Variants in FGF12 observed in about 807,000 individuals in gnomAD.
FGF12 encodes the protein fibroblast growth factor 12B.
FGF12 carries 14 observed loss-of-function variants against 23.6 expected under a neutral mutation model. The observed-to-expected ratio is 0.59, with a 90% CI of 0.39 to 0.93. The LOEUF (loss-of-function observed/expected upper bound fraction) is 0.93, where lower values mean the gene tolerates loss of function less well. Among genes scored for constraint, FGF12 ranks in the 40% least tolerant of loss-of-function variants. The pLI is 0.00. For missense variants in FGF12, 175 were observed against 217.8 expected (o/e 0.80, Z 1.24); for synonymous variants, 62 against 77.3 (o/e 0.80, Z 1.04).
At chr3:192,678,670 C>T (rs947920051) in intron 2 of FGF12, among the ~76,000 whole-genome samples, 5 of 152,156 alleles carry the variant, frequency 3.3e-5, no homozygotes, top group Admixed American at 6.5e-5. Context: ...GCAATTTCCC[C>T]GAAGCCCACC....
chr3:192,329,529 T>A (rs1051357924), intron 4 of FGF12, among the ~76,000 whole-genome samples: 2 of 152,152 alleles, frequency 1.3e-5, no homozygotes, highest in African/African-American at 4.8e-5. Context: ...CAAGGTTCAG[T>A]TCAAACAACT....
intron 2 of FGF12, among the ~76,000 whole-genome samples, chr3:192,444,657 GC>G (rs1212283502): frequency 6.6e-6 from 1 of 152,184 alleles, no homozygotes; most frequent in Non-Finnish European, 1.5e-5. Context: ...TCACAGCCCT[GC>G]TTGCTACGCA....
At chr3:192,419,679 T>C (rs929054949) in intron 2 of FGF12, among the ~76,000 whole-genome samples, 8 of 152,226 alleles carry the variant, frequency 5.3e-5, no homozygotes, top group African/African-American at 1.9e-4. Context: ...TTGGGAAAAC[T>C]TTTGTTCATT....
chr3:192,554,324 A>G (rs558079843), intron 2 of FGF12, among the ~76,000 whole-genome samples: 1 of 152,318 alleles, frequency 6.6e-6, no homozygotes, highest in African/African-American at 2.4e-5. Context: ...CTTCGGACTT[A>G]GTGCACTGAT....
At chr3:192,443,476 G>T (rs577192916) in intron 2 of FGF12, among the ~76,000 whole-genome samples, 1 of 152,232 alleles carries the variant, frequency 6.6e-6, no homozygotes, top group Non-Finnish European at 1.5e-5. Context: ...TGGAAAGGTT[G>T]TTGGAGAGCT....
rs547367565 is a variant in FGF12, at chr3:192,200,022, A to C, written c.229-29366T>G. Among the ~76,000 whole-genome samples the C allele has an allele frequency of 2.2e-4, 34 of 152,164 alleles. No homozygotes were observed. The South Asian group carries it at 7.1e-3, about 32-fold the overall frequency. On this transcript the variant is annotated intron_variant, in intron 4 of 5. Coordinates refer to ENST00000445105, the MANE Select transcript of FGF12 (RefSeq NM_004113.6). ...AGCAATGCTAAAGAGGTAAATCAAAACAGCAATAGAAAGGCCGGGTGCAGT... is the reference window on the plus strand; with the variant it reads ...AGCAATGCTAAAGAGGTAAATCAAACCAGCAATAGAAAGGCCGGGTGCAGT...
Position 192,670,050 on chromosome 3 carries a change from G to T in FGF12, c.13+57131C>A, listed in dbSNP as rs1717052552. ...GAAAAATATCCACAATTATTTAAAA[G>T]AACTATTAAAATATTCCTCCATTTT... On this transcript the variant is annotated intron_variant, in intron 2 of 5. Coordinates refer to ENST00000445105, the MANE Select transcript of FGF12 (RefSeq NM_004113.6). 2.0e-5 allele frequency among the ~76,000 whole-genome samples: 3 copies of T among 152,208 alleles called. No individual in the cohort carries two copies. In the South Asian group the frequency reaches 6.2e-4, roughly 32 times the overall value.
chr3:192,357,827 G>A (rs1371260750), intron 3 of FGF12, among the ~76,000 whole-genome samples: 2 of 152,188 alleles, frequency 1.3e-5, no homozygotes, highest in Non-Finnish European at 2.9e-5. Context: ...GTTCCAAGGT[G>A]AGAAGTGTAA....
At chr3:192,518,722 A>G (rs1465947647) in intron 2 of FGF12, among the ~76,000 whole-genome samples, 1 of 152,212 alleles carries the variant, frequency 6.6e-6, no homozygotes, top group Non-Finnish European at 1.5e-5. Context: ...TGTTATGCAT[A>G]TAGCCCATTG....
intron 2 of FGF12, among the ~76,000 whole-genome samples, chr3:192,448,419 G>A (rs976974217): frequency 3.9e-5 from 6 of 152,142 alleles, no homozygotes; most frequent in Non-Finnish European, 8.8e-5. Flanking sequence ...AAATGTGTGA[G>A]TTATTGAAAA....
chr3:192,229,155 T>A, intron 4 of FGF12, among the ~76,000 whole-genome samples: 1 of 150,338 alleles, frequency 6.7e-6, no homozygotes. Flanking sequence ...TGGATCTAAG[T>A]GAATAAAATT....
At chr3:192,690,840 C>G (rs1717922283) in intron 2 of FGF12, among the ~76,000 whole-genome samples, 1 of 151,866 alleles carries the variant, frequency 6.6e-6, no homozygotes, top group Admixed American at 6.6e-5. Flanking sequence ...CATACACAGA[C>G]TGAAGATATT....
intron 2 of FGF12, among the ~76,000 whole-genome samples, chr3:192,564,226 G>T (rs1712174043): frequency 1.3e-5 from 2 of 152,054 alleles, no homozygotes; most frequent in South Asian, 2.1e-4. Flanking sequence ...ACCATGCCCG[G>T]CTAATTTGTG....
Position 192,727,527 on chromosome 3 carries a change from T to C in FGF12, c.-174A>G, listed in dbSNP as rs1719265787. 2.0e-6 allele frequency: 1 copy of C among 502,316 alleles called. No individual in the cohort carries two copies. Among genetic ancestry groups the C allele is most frequent in the African/African-American group, 2.0e-5 (1 of 50,786 alleles). 31.1% of individuals were successfully genotyped at this position (502,316 alleles called of 1,614,324 possible). A position where few individuals can be genotyped will look rare whatever the true frequency, so the allele number is the denominator to read the frequency against. ...GGCAGGAGCTGTCCTCCGAGCGTGG[T>C]GCTGCAGGTGTAGTGACAGATCATC... On this transcript the variant is annotated 5_prime_UTR_variant, in exon 1 of 6. Coordinates refer to ENST00000445105, the MANE Select transcript of FGF12 (RefSeq NM_004113.6).
chr3:192,641,866 A>G (rs914992832), intron 2 of FGF12, among the ~76,000 whole-genome samples: 1 of 152,244 alleles, frequency 6.6e-6, no homozygotes, highest in Non-Finnish European at 1.5e-5. Flanking sequence ...CTACAATGAC[A>G]GTGAGTAGTG....
intron 4 of FGF12, among the ~76,000 whole-genome samples, chr3:192,197,748 C>T (rs1027588748): frequency 1.3e-5 from 2 of 152,010 alleles, no homozygotes; most frequent in African/African-American, 4.8e-5. Context: ...AGTTTGAGAC[C>T]AGCCTGACCA....
At chr3:192,587,401 G>A (rs185944126) in intron 2 of FGF12, among the ~76,000 whole-genome samples, 9 of 152,022 alleles carry the variant, frequency 5.9e-5, no homozygotes, top group Admixed American at 5.9e-4. Context: ...GGTAGTAGGA[G>A]GGTCTTTGAA....
At chr3:192,233,446 C>T (rs1304820777) in intron 4 of FGF12, among the ~76,000 whole-genome samples, 6 of 152,014 alleles carry the variant, frequency 3.9e-5, no homozygotes, top group African/African-American at 1.2e-4. Context: ...AGATTCTGGA[C>T]ATTAGACCTT....
rs571002840 is a variant in FGF12 at position 192,613,459 on chromosome 3, T to G, written c.13+113722A>C. ...ACTAAAGACTGAAAGCAAAACAATA[T>G]AGGACTTACTTCATTTACCTTTATC... On this transcript the variant is annotated intron_variant, in intron 2 of 5. Coordinates refer to ENST00000445105, the MANE Select transcript of FGF12 (RefSeq NM_004113.6). Among the ~76,000 whole-genome samples the G allele has an allele frequency of 1.4e-4, 21 of 151,998 alleles. No homozygotes were observed. The South Asian group carries it at 4.1e-3, about 30-fold the overall frequency.
Sources: gnomAD v4.1 joint callset for allele counts (sites outside exome capture counted in the v4.1 genomes callset) on GRCh38, gnomAD v4.1.1 for gene constraint, MANE v1.5 for transcripts, NCBI Gene and HGNC (gene_info 2026-07-23, HGNC 2026-07-21) for gene names.